Variants in NECTIN3 observed in about 807,000 individuals in gnomAD.
NECTIN3 encodes nectin cell adhesion molecule 3.
Under a neutral mutation model 49.4 loss-of-function variants are expected in NECTIN3, and 8 were observed. The observed-to-expected ratio is 0.16, with a 90% CI of 0.10 to 0.29. The LOEUF (loss-of-function observed/expected upper bound fraction) is 0.29, where lower values mean the gene tolerates loss of function less well. Ranked by LOEUF, NECTIN3 falls within the 10% of genes least tolerant of loss-of-function variation. The probability of loss-of-function intolerance (pLI) is 1.00; values close to 1 mark genes in which losing one functional copy is unlikely to be tolerated. For missense variants in NECTIN3, 581 were observed against 654.6 expected (o/e 0.89, Z 1.23); for synonymous variants, 277 against 241.1 (o/e 1.15, Z -1.38).
intron 7 of NECTIN3, among the ~76,000 whole-genome samples, chr3:111,167,398 A>G (rs867539785): frequency 6.6e-6 from 1 of 152,194 alleles, no homozygotes; most frequent in Non-Finnish European, 1.5e-5. Flanking sequence ...TTATTCTAAT[A>G]TTGAGAGTTG....
rs112917126 is a variant in NECTIN3, at chr3:111,133,453, T to C, written c.1070-182T>C. On this transcript the variant is annotated intron_variant, in intron 5 of 5. Transcript: ENST00000485303. ...GGTGACTGACTAAATGTCAGTGTTGTTTTCTTTTTAAATAGATGAGTACCA... is the reference window on the plus strand; with the variant it reads ...GGTGACTGACTAAATGTCAGTGTTGCTTTCTTTTTAAATAGATGAGTACCA... Among the ~76,000 whole-genome samples the C allele has an allele frequency of 3.2e-3, 487 of 152,236 alleles. 4 individuals are homozygous for C. Among genetic ancestry groups the C allele is most frequent in the African/African-American group, 0.011 (459 of 41,556 alleles).
intron 3 of NECTIN3, among the ~76,000 whole-genome samples, chr3:111,119,175 T>C (rs899721086): frequency 6.6e-6 from 1 of 152,212 alleles, no homozygotes; most frequent in Admixed American, 6.5e-5. Flanking sequence ...ACCATTTCCT[T>C]TTAAGATCTT....
downstream of NECTIN3, among the ~76,000 whole-genome samples, chr3:111,139,886 A>AT (rs1245502539): frequency 6.6e-6 from 1 of 151,806 alleles, no homozygotes; most frequent in Non-Finnish European, 1.5e-5. Context: ...TAACATGTTA[A>AT]TTTTTTCTCA....
chr3:111,096,922 G>T (rs1032144216), intron 1 of NECTIN3, among the ~76,000 whole-genome samples: 1 of 152,180 alleles, frequency 6.6e-6, no homozygotes, highest in Non-Finnish European at 1.5e-5. Context: ...AATGTGGGGT[G>T]GGATCTACCC....
chr3:111,192,482 T>C (rs1482404986), intron 1 of NECTIN3: 1 of 1,361,254 alleles, frequency 7.3e-7, no homozygotes, highest in East Asian at 2.5e-5. Context: ...AAAATATCAT[T>C]TAATTGTATA....
At chr3:111,137,583 C>T (rs1397424334), downstream of NECTIN3, 3 of 765,194 alleles carry the variant, frequency 3.9e-6, no homozygotes, top group South Asian at 6.0e-5. Context: ...AAGTTCATTG[C>T]TCTATGTTAC....
At chr3:111,172,648 T>G (rs1430739607) in intron 7 of NECTIN3, among the ~76,000 whole-genome samples, 2 of 152,192 alleles carry the variant, frequency 1.3e-5, no homozygotes, top group African/African-American at 4.8e-5. Flanking sequence ...AAATTAAACT[T>G]TCGTTCTTAA....
intron 7 of NECTIN3, among the ~76,000 whole-genome samples, chr3:111,160,955 C>T (rs1009662582): frequency 2.6e-5 from 4 of 152,042 alleles, no homozygotes; most frequent in African/African-American, 7.2e-5. Context: ...TGCAGTGAGC[C>T]GAGGTTGCGC....
At chr3:111,091,533 C>T (rs1041419731) in intron 1 of NECTIN3, among the ~76,000 whole-genome samples, 3 of 152,084 alleles carry the variant, frequency 2.0e-5, no homozygotes, top group Non-Finnish European at 2.9e-5. Flanking sequence ...TTATAACAGG[C>T]GTGAGCCACT....
Position 111,134,862 on chromosome 3 carries a change from A to G in NECTIN3, c.*647A>G, listed in dbSNP as rs2034522366. On this transcript the variant is annotated 3_prime_UTR_variant, in exon 6 of 6. Coordinates refer to ENST00000485303, the MANE Select transcript of NECTIN3 (RefSeq NM_015480.3). ...TATTTTGTTGCACTAAAACTGTGGT[A>G]GTAAACTCAGTGAACATGATGTGTG... 3.1e-6 allele frequency: 3 copies of G among 982,722 alleles called. No individual in the cohort carries two copies. In the South Asian group the frequency reaches 1.4e-4, roughly 46 times the overall value. The allele number at this position is 982,722 out of a possible 1,614,324, so 60.9% of individuals were successfully genotyped here. A position where few individuals can be genotyped will look rare whatever the true frequency, so the allele number is the denominator to read the frequency against.
intron 6 of NECTIN3, among the ~76,000 whole-genome samples, chr3:111,145,825 A>G (rs2034860052): frequency 6.6e-6 from 1 of 152,182 alleles, no homozygotes; most frequent in African/African-American, 2.4e-5. Context: ...CTTTCAAAGA[A>G]TATAGTTCTG....
chr3:111,175,344 G>C (rs1201797517), intron 7 of NECTIN3, among the ~76,000 whole-genome samples: 1 of 151,674 alleles, frequency 6.6e-6, no homozygotes, highest in Non-Finnish European at 1.5e-5. Context: ...CTCCAGGCTT[G>C]AGGGTGGGAC....
chr3:111,159,553 G>C (rs2035167327), intron 7 of NECTIN3, among the ~76,000 whole-genome samples: 1 of 152,012 alleles, frequency 6.6e-6, no homozygotes, highest in Non-Finnish European at 1.5e-5. Flanking sequence ...CTTGACAAGG[G>C]AGAGAGTTGT....
At chr3:111,147,033 T>C (rs1275138244) in intron 6 of NECTIN3, among the ~76,000 whole-genome samples, 2 of 152,186 alleles carry the variant, frequency 1.3e-5, no homozygotes, top group Non-Finnish European at 2.9e-5. Context: ...GTGTAAACAT[T>C]TCTCATGACA....
At chr3:111,095,898 G>A (rs974571935) in intron 1 of NECTIN3, among the ~76,000 whole-genome samples, 12 of 152,108 alleles carry the variant, frequency 7.9e-5, no homozygotes, top group African/African-American at 2.2e-4. Context: ...GCTCAGTCTC[G>A]GGTATGTCTT....
chr3:111,115,502 C>T (rs1300811920), intron 2 of NECTIN3, among the ~76,000 whole-genome samples: 1 of 152,164 alleles, frequency 6.6e-6, no homozygotes, highest in Non-Finnish European at 1.5e-5. Context: ...GTTAGAAATA[C>T]AGAATTTCAG....
chr3:111,131,263 T>C (rs1167597941), intron 5 of NECTIN3, among the ~76,000 whole-genome samples: 1 of 151,978 alleles, frequency 6.6e-6, no homozygotes, highest in African/African-American at 2.4e-5. Context: ...ATAAAAGTCA[T>C]TATATCCATT....
chr3:111,104,971 G>T (rs998125538), intron 1 of NECTIN3, among the ~76,000 whole-genome samples: 2 of 152,034 alleles, frequency 1.3e-5, no homozygotes, highest in Non-Finnish European at 2.9e-5. Context: ...TAATAATGTT[G>T]TGTCTTCTGA....
intron 2 of NECTIN3, among the ~76,000 whole-genome samples, chr3:111,118,264 A>G (rs1037427092): frequency 7.3e-6 from 1 of 137,872 alleles, no homozygotes; most frequent in African/African-American, 2.6e-5. Flanking sequence ...ATATATATAT[A>G]TATATATATA....
Sources: allele counts gnomAD v4.1 joint callset (sites outside exome capture counted in the v4.1 genomes callset), GRCh38; gene constraint gnomAD v4.1.1; transcripts MANE v1.5; gene names NCBI Gene and HGNC (gene_info 2026-07-23, HGNC 2026-07-21).